Variants in DLGAP2 observed in about 807,000 individuals in gnomAD.
DLGAP2 encodes DLG associated protein 2.
DLGAP2 carries 26 observed loss-of-function variants against 100.3 expected under a neutral mutation model. That is an observed-to-expected ratio of 0.26 (90% CI 0.19 to 0.36). DLGAP2 has a LOEUF of 0.36. Ranked by LOEUF, DLGAP2 falls within the 10% of genes least tolerant of loss-of-function variation. DLGAP2 has a pLI of 1.00. For synonymous variants in DLGAP2, 886 were observed against 630.1 expected (o/e 1.41, Z -6.08); for missense variants, 1,858 against 1,453.2 (o/e 1.28, Z -4.53).
chr8:995,298 G>GT, intron 2 of DLGAP2, among the ~76,000 whole-genome samples: 1 of 152,150 alleles, frequency 6.6e-6, no homozygotes, highest in East Asian at 1.9e-4. Context: ...TGTGACATCA[G>GT]TTTTTTGATT....
At position 1,666,435 on chromosome 8, in the gene DLGAP2, G is replaced by A. The variant is rs140436330; in HGVS notation, c.1811-1894G>A. ...CACCTGTAATCCCAGTACTTTGGGA[G>A]ACCGAGGTGGGTGGATCATCTGAGG... is the stretch of plus-strand genomic sequence containing the variant. On this transcript the variant is annotated intron_variant, in intron 8 of 14. Transcript: ENST00000637795. Among the ~76,000 whole-genome samples, 325 of 152,278 alleles carry A rather than the reference G, an allele frequency of 2.1e-3. 1 individual carries two copies. Among genetic ancestry groups the A allele is most frequent in the African/African-American group, 7.4e-3 (309 of 41,552 alleles).
chr8:885,660 T>A (rs1797908303), intron 1 of DLGAP2, among the ~76,000 whole-genome samples: 1 of 152,218 alleles, frequency 6.6e-6, no homozygotes, highest in Admixed American at 6.5e-5. Flanking sequence ...TAATACTATT[T>A]GAATAAGAGT....
At chr8:1,312,592 A>C (rs1368119508) in intron 3 of DLGAP2, among the ~76,000 whole-genome samples, 1 of 152,232 alleles carries the variant, frequency 6.6e-6, no homozygotes, top group Non-Finnish European at 1.5e-5. Flanking sequence ...TTGGACATGC[A>C]ATGCATGTGC....
chr8:901,098 C>T (rs902744175), intron 1 of DLGAP2, among the ~76,000 whole-genome samples: 9 of 152,102 alleles, frequency 5.9e-5, no homozygotes, highest in Non-Finnish European at 8.8e-5. Context: ...TGTGACCAGC[C>T]GGTAAAGACC....
At chr8:869,164 G>C (rs1797552508) in intron 1 of DLGAP2, among the ~76,000 whole-genome samples, 1 of 152,110 alleles carries the variant, frequency 6.6e-6, no homozygotes, top group African/African-American at 2.4e-5. Flanking sequence ...ACAGCTTAGT[G>C]TAATTTTGAG....
At chr8:1,431,576 G>A (rs950628552) in intron 3 of DLGAP2, among the ~76,000 whole-genome samples, 2 of 152,214 alleles carry the variant, frequency 1.3e-5, no homozygotes, top group Non-Finnish European at 2.9e-5. Context: ...CAGGCCAAAG[G>A]CAGCACTGGC....
intron 1 of DLGAP2, chr8:739,103 C>G (rs1222231246): frequency 6.5e-6 from 1 of 153,284 alleles, no homozygotes; most frequent in Non-Finnish European, 1.5e-5. Context: ...ATAAAGCGAT[C>G]AGCAGTGAAT....
chr8:1,029,553 A>G (rs754671973), intron 2 of DLGAP2, among the ~76,000 whole-genome samples: 20 of 131,394 alleles, frequency 1.5e-4, no homozygotes, highest in Non-Finnish European at 2.8e-4. Context: ...GGTGTCCAGC[A>G]GTGCTGAGAG....
intron 6 of DLGAP2, among the ~76,000 whole-genome samples, chr8:1,594,268 C>T (rs914865483): frequency 2.6e-5 from 4 of 151,976 alleles, no homozygotes; most frequent in African/African-American, 9.7e-5. Flanking sequence ...GAAACTGACC[C>T]TAGTGAAATG....
chr8:1,675,950 C>A (rs958173292), intron 10 of DLGAP2, among the ~76,000 whole-genome samples: 1 of 151,884 alleles, frequency 6.6e-6, no homozygotes, highest in African/African-American at 2.4e-5. Context: ...CAGCCACAAT[C>A]AGAATTCTCT....
chr8:1,303,977 A>G (rs953416589), intron 3 of DLGAP2, among the ~76,000 whole-genome samples: 4 of 152,046 alleles, frequency 2.6e-5, no homozygotes, highest in African/African-American at 9.7e-5. Flanking sequence ...TAATTTTTCC[A>G]TTTGTGAGGA....
chr8:1,122,567 C>G (rs576493205), intron 2 of DLGAP2, among the ~76,000 whole-genome samples: 10 of 152,234 alleles, frequency 6.6e-5, no homozygotes, highest in African/African-American at 2.4e-4. Flanking sequence ...ACTTGTTTCC[C>G]TTTGGTGATT....
intron 3 of DLGAP2, among the ~76,000 whole-genome samples, chr8:1,429,997 C>CGT: frequency 5.1e-5 from 1 of 19,660 alleles, no homozygotes; most frequent in East Asian, 3.4e-3. Flanking sequence ...GGGAGAGATG[C>CGT]ATATATATAC....
chr8:1,363,846 C>G (rs73670788), intron 3 of DLGAP2, among the ~76,000 whole-genome samples: 8,519 of 152,156 alleles, frequency 0.056, 472 homozygotes, highest in African/African-American at 0.14. Flanking sequence ...CAGGCCTGGC[C>G]TTGGCCTGCC....
chr8:972,023 G>C (rs972200174), intron 2 of DLGAP2, among the ~76,000 whole-genome samples: 1 of 152,224 alleles, frequency 6.6e-6, no homozygotes, highest in Admixed American at 6.5e-5. Context: ...GAGCTGAAAG[G>C]GGTCATTGCT....
At chr8:1,110,920 G>A (rs761254948) in intron 2 of DLGAP2, among the ~76,000 whole-genome samples, 1 of 152,068 alleles carries the variant, frequency 6.6e-6, no homozygotes, top group African/African-American at 2.4e-5. Context: ...GCTTTTGGGG[G>A]TTTGGGGTCA....
intron 2 of DLGAP2, among the ~76,000 whole-genome samples, chr8:1,067,604 CGTGTGTGTGTGTGTGTGTGT>C (rs3220190): frequency 1.4e-5 from 2 of 140,404 alleles, no homozygotes; most frequent in Admixed American, 1.4e-4. Flanking sequence ...GGTTGAGTGA[CGTGTGTGTGTGTGTGTGTGT>C]GTGTGTGTGT....
intron 3 of DLGAP2, among the ~76,000 whole-genome samples, chr8:1,267,329 G>A (rs1181731205): frequency 6.6e-6 from 1 of 151,326 alleles, no homozygotes; most frequent in Non-Finnish European, 1.5e-5. Context: ...CACTTTGGGA[G>A]GCCGAGGCGG....
intron 2 of DLGAP2, among the ~76,000 whole-genome samples, chr8:988,580 C>T (rs1267097769): frequency 2.0e-5 from 3 of 152,188 alleles, no homozygotes; most frequent in Non-Finnish European, 4.4e-5. Context: ...CTGGGGGTGT[C>T]TGGCCTCAGC....
Sources: allele counts gnomAD v4.1 joint callset (sites outside exome capture counted in the v4.1 genomes callset), GRCh38; gene constraint gnomAD v4.1.1; transcripts MANE v1.5; gene names NCBI Gene and HGNC (gene_info 2026-07-23, HGNC 2026-07-21).